The following ULK2 variants were observed in gnomAD, a reference collection of about 807,000 sequenced individuals.
The protein encoded by ULK2 is unc-51 like autophagy activating kinase 2.
Under a neutral mutation model 127.5 loss-of-function variants are expected in ULK2, and 76 were observed. That is an observed-to-expected ratio of 0.60 (90% confidence interval 0.50 to 0.72). ULK2 has a LOEUF of 0.72. Among genes scored for constraint, ULK2 ranks in the 30% least tolerant of loss-of-function variants. ULK2 has a pLI of 0.00. For missense variants in ULK2, 1,144 were observed against 1,295.9 expected, an observed-to-expected ratio of 0.88 and a Z score of 1.80; for synonymous variants, 452 against 461.9, an observed-to-expected ratio of 0.98 and a Z score of 0.28.
intron 12 of ULK2, among the ~76,000 whole-genome samples, chr17:19,821,018 A>AT (rs1239024200): frequency 4.6e-5 from 7 of 152,188 alleles, no homozygotes; most frequent in African/African-American, 1.4e-4. Flanking sequence ...TATAAAACGA[A>AT]TAAATAGGCC....
chr17:19,823,092 C>A (rs1011691989), intron 12 of ULK2, among the ~76,000 whole-genome samples: 2 of 144,170 alleles, frequency 1.4e-5, no homozygotes, highest in Non-Finnish European at 3.0e-5. Flanking sequence ...TCCCTTACAG[C>A]TGAGTCTACA....
intron 19 of ULK2, 111 bp downstream of exon 19, chr17:19,795,983 AT>A: frequency 7.1e-7 from 1 of 1,413,084 alleles, no homozygotes; most frequent in Non-Finnish European, 9.6e-7. Flanking sequence ...CAATAACCAT[AT>A]GGCATAAATC....
chr17:19,813,826 T>A (rs1212425950), intron 13 of ULK2, among the ~76,000 whole-genome samples: 1 of 152,184 alleles, frequency 6.6e-6, no homozygotes, highest in East Asian at 1.9e-4. Context: ...GAAATACACA[T>A]TCATAATTAG....
chr17:19,824,100 C>T (rs1337792899), intron 12 of ULK2, among the ~76,000 whole-genome samples: 2 of 152,146 alleles, frequency 1.3e-5, no homozygotes, highest in African/African-American at 4.8e-5. Flanking sequence ...AAGCCCCATC[C>T]ACTTAAACCT....
intron 3 of ULK2, among the ~76,000 whole-genome samples, chr17:19,864,170 A>C (rs1396114766): frequency 6.6e-6 from 1 of 152,182 alleles, no homozygotes; most frequent in African/African-American, 2.4e-5. Flanking sequence ...TTTTTTAAAA[A>C]AAGAACTTCT....
chr17:19,806,981 G>A (rs904281706), intron 14 of ULK2, among the ~76,000 whole-genome samples: 1 of 152,190 alleles, frequency 6.6e-6, no homozygotes, highest in Non-Finnish European at 1.5e-5. Flanking sequence ...TTTACACCAG[G>A]AAATCCCCAG....
intron 10 of ULK2, among the ~76,000 whole-genome samples, chr17:19,835,884 G>A (rs2041583735): frequency 6.6e-6 from 1 of 152,198 alleles, no homozygotes; most frequent in East Asian, 1.9e-4. Flanking sequence ...CACTCTGGGA[G>A]GCTAAGGCAG....
intron 20 of ULK2, among the ~76,000 whole-genome samples, chr17:19,790,098 GC>G: frequency 6.6e-6 from 1 of 152,228 alleles, no homozygotes; most frequent in Non-Finnish European, 1.5e-5. Context: ...GCTTGTTTAT[GC>G]AATCAGTGTT....
chr17:19,840,567 TTAA>T, intron 9 of ULK2: 1 of 239,824 alleles, frequency 4.2e-6, no homozygotes, highest in Non-Finnish European at 8.2e-6. Context: ...TATTAATCAT[TTAA>T]AAAAAAAAAA....
chr17:19,774,118 A>G lies in ULK2; in HGVS notation c.*2231T>C, dbSNP rs1382039207. 6.6e-6 allele frequency: 1 copy of G among 152,602 alleles called. No homozygotes were observed. The highest frequency in any genetic ancestry group is 2.4e-5 in the African/African-American group (1 of 41,418). 9.5% of individuals were successfully genotyped at this position (152,602 alleles called of 1,614,324 possible). ...TGAATGTATGAACTGGTACATTTCC[A>G]CTCTATGAAACACGATATGAAATTT... On this transcript the variant is annotated 3_prime_UTR_variant, in exon 27 of 27. Coordinates refer to ENST00000395544, the MANE Select transcript of ULK2 (RefSeq NM_014683.4).
chr17:19,780,995 C>A lies in ULK2; in HGVS notation c.2749G>T (p.Val917Leu). 1 of 1,614,016 alleles carries A rather than the reference C, an allele frequency of 6.2e-7. No individual in the cohort carries two copies. Among genetic ancestry groups the A allele is most frequent in the South Asian group, 1.1e-5 (1 of 91,066 alleles). The part of the protein sequence containing the change: ...KSGKLSPSTA[V>L]KQVVKNLNER... ...CTGCCTTCTCCCATACCTTGTTTCA[C>A]AGCTGTGGATGGGCTCAGTTTCCCG... The change falls in exon 24 of 27, where the codon GTG (valine) becomes TTG (leucine). Residue 917 changes from valine to leucine, a missense_variant. By Grantham distance (32) the Val-to-Leu change is conservative. Transcript: ENST00000395544.
chr17:19,782,543 A>C (rs1330700576), intron 22 of ULK2, among the ~76,000 whole-genome samples: 3 of 152,186 alleles, frequency 2.0e-5, no homozygotes, highest in African/African-American at 7.2e-5. Flanking sequence ...CAAAGCTCTA[A>C]CTTTCTGTGA....
intron 9 of ULK2, among the ~76,000 whole-genome samples, chr17:19,839,244 TGGAA>T (rs1306106323): frequency 1.3e-5 from 2 of 152,086 alleles, no homozygotes; most frequent in Non-Finnish European, 2.9e-5. Flanking sequence ...CATTTCTGTC[TGGAA>T]AAGGGCAGCA....
chr17:19,861,512 T>C (rs2042242792), intron 3 of ULK2, among the ~76,000 whole-genome samples: 1 of 151,246 alleles, frequency 6.6e-6, no homozygotes, highest in Admixed American at 6.6e-5. Context: ...GCCACTGCGC[T>C]CCAGCCTGGC....
rs2086838092 is a variant in ULK2, at chr17:19,777,686, G to C, written c.2947C>G (p.Gln983Glu). 4 of 1,613,760 alleles carry C rather than the reference G, an allele frequency of 2.5e-6. No individual in the cohort carries two copies. The African/African-American group carries it at 4.0e-5, about 16-fold the overall frequency. The change falls in exon 26 of 27, where the codon CAG becomes GAG. Residue 983 changes from glutamine to glutamate, a missense_variant. By Grantham distance (29) the Gln-to-Glu change is conservative. Around this residue, in one of 2 missense-constraint regions of ULK2, gnomAD observed 913 missense variants for 970.5 expected, o/e 0.94. Transcript: ENST00000395544. ...CGATAAACAATATCTTCGGTCTGCT[G>C]AAACATCTCATCCAGGGCTGCAGAC... ...VQSAALDEMF[Q>E]QTEDIVYRYH...
intron 7 of ULK2, 40 bp from the exon 8 acceptor site, chr17:19,843,262 T>G: frequency 7.4e-7 from 1 of 1,348,326 alleles, no homozygotes; most frequent in Non-Finnish European, 1.0e-6. Flanking sequence ...CGTACGTTAT[T>G]TACATAATTA....
chr17:19,838,758 T>A (rs2041660564), intron 9 of ULK2, among the ~76,000 whole-genome samples, 175 bp from the exon 10 acceptor site: 1 of 152,130 alleles, frequency 6.6e-6, no homozygotes. Context: ...CCGGGTGCTG[T>A]GGTTCACGCC....
intron 17 of ULK2, 103 bp from the exon 18 acceptor site, chr17:19,797,785 T>A: frequency 9.0e-7 from 1 of 1,107,756 alleles, no homozygotes; most frequent in Non-Finnish European, 1.2e-6. Flanking sequence ...CTGATAAATA[T>A]CTTATTTTTC....
intron 22 of ULK2, among the ~76,000 whole-genome samples, chr17:19,783,308 G>A (rs529739053): frequency 1.1e-4 from 16 of 152,108 alleles, no homozygotes; most frequent in South Asian, 2.1e-4. Flanking sequence ...AAAATTAGCC[G>A]GGCATGGTGG....
Sources: gnomAD v4.1 joint callset for allele counts (sites outside exome capture counted in the v4.1 genomes callset) on GRCh38, gnomAD v4.1.1 for gene constraint, gnomAD v4.1.1 regional missense constraint, MANE v1.5 for transcripts, NCBI Gene and HGNC (gene_info 2026-07-23, HGNC 2026-07-21) for gene names.